EBAG9: variants seen among roughly 807,000 people sequenced by gnomAD.
The protein encoded by EBAG9 is estrogen receptor binding site associated antigen 9.
A neutral mutation model predicts 30.9 loss-of-function variants in EBAG9; 16 were observed. That is an observed-to-expected ratio of 0.52 (90% CI 0.35 to 0.79). The LOEUF is 0.79. Among genes scored for constraint, EBAG9 ranks in the 30% least tolerant of loss-of-function variants. The pLI is 0.01. For missense variants in EBAG9, 197 were observed against 242.1 expected, an observed-to-expected ratio of 0.81 and a Z score of 1.24; for synonymous variants, 93 against 82.8, an observed-to-expected ratio of 1.12 and a Z score of -0.67.
At position 109,553,949 on chromosome 8, in the gene EBAG9, T is replaced by G. The variant is rs1044667077; in HGVS notation, c.162+6T>G. 41 of 1,582,836 alleles carry G rather than the reference T, an allele frequency of 2.6e-5. No homozygotes were observed. Among genetic ancestry groups the G allele is most frequent in the Non-Finnish European group, 3.2e-5 (37 of 1,166,698 alleles). ...ATTCATCAGTTCCTAAGCAGGTAGG[T>G]TTTTTTTGTGTGTTCTTTTGTTTTG... On this transcript the variant is annotated splice_donor_region_variant and intron_variant, in intron 3 of 6. Transcript: ENST00000337573.
intron 1 of EBAG9, among the ~76,000 whole-genome samples, chr8:109,544,243 C>T (rs189478650): frequency 9.9e-5 from 15 of 151,862 alleles, no homozygotes; most frequent in African/African-American, 1.5e-4. Flanking sequence ...AGGTTTTATC[C>T]GCTTTTAAGT....
chr8:109,550,928 A>C (rs772508201), intron 2 of EBAG9, 21 bp downstream of exon 2: 8 of 1,485,210 alleles, frequency 5.4e-6, no homozygotes, highest in Non-Finnish European at 7.4e-6. Context: ...TTTATGTTCA[A>C]ACTAACCTGT....
At chr8:109,542,850 A>T (rs1176646293) in intron 1 of EBAG9, among the ~76,000 whole-genome samples, 1 of 152,196 alleles carries the variant, frequency 6.6e-6, no homozygotes, top group East Asian at 1.9e-4. Context: ...AATACAAAAT[A>T]AAAAATGTTG....
intron 1 of EBAG9, among the ~76,000 whole-genome samples, chr8:109,544,847 T>C (rs1477392519): frequency 6.6e-6 from 1 of 152,214 alleles, no homozygotes; most frequent in Admixed American, 6.5e-5. Flanking sequence ...GACATTGTCA[T>C]AGTTACTTAA....
At chr8:109,556,729 A>G (rs1484154631) in intron 4 of EBAG9, among the ~76,000 whole-genome samples, 1 of 152,146 alleles carries the variant, frequency 6.6e-6, no homozygotes, top group African/African-American at 2.4e-5. Flanking sequence ...ATTAATTTTT[A>G]AAAGTGAAAT....
At chr8:109,551,088 T>G (rs1821485056) in intron 2 of EBAG9, among the ~76,000 whole-genome samples, 181 bp downstream of exon 2, 1 of 152,094 alleles carries the variant, frequency 6.6e-6, no homozygotes, top group South Asian at 2.1e-4. Flanking sequence ...ATCTAGAAAA[T>G]AGAGGTTCAG....
intron 4 of EBAG9, among the ~76,000 whole-genome samples, chr8:109,555,495 A>G (rs1015086695): frequency 4.6e-5 from 7 of 152,158 alleles, no homozygotes; most frequent in African/African-American, 1.7e-4. Flanking sequence ...TTTTAAAATT[A>G]TATTTATATA....
At chr8:109,563,033 C>G (rs1469467535) in intron 6 of EBAG9, among the ~76,000 whole-genome samples, 1 of 151,922 alleles carries the variant, frequency 6.6e-6, no homozygotes, top group African/African-American at 2.4e-5. Flanking sequence ...CTTTTTTCTT[C>G]TGGTTTGACA....
At chr8:109,552,996 C>T (rs1392428430) in intron 2 of EBAG9, among the ~76,000 whole-genome samples, 1 of 151,976 alleles carries the variant, frequency 6.6e-6, no homozygotes, top group Non-Finnish European at 1.5e-5. Context: ...TCTATTCACC[C>T]TTTAAACAAA....
At chr8:109,559,851 A>G (rs186941782) in intron 5 of EBAG9, among the ~76,000 whole-genome samples, 198 of 151,604 alleles carry the variant, frequency 1.3e-3, no homozygotes, top group Non-Finnish European at 2.2e-3. Flanking sequence ...CAGGATTTCT[A>G]CCTACTGCGG....
At chr8:109,564,379 A>T in intron 6 of EBAG9, 60 bp from the exon 7 acceptor site, 1 of 1,581,194 alleles carries the variant, frequency 6.3e-7, no homozygotes, top group Middle Eastern at 1.7e-4. Context: ...TCTTTCTAGA[A>T]TTTATTTGCC....
At chr8:109,547,788 G>T (rs546149679) in intron 1 of EBAG9, among the ~76,000 whole-genome samples, 1 of 152,118 alleles carries the variant, frequency 6.6e-6, no homozygotes, top group African/African-American at 2.4e-5. Flanking sequence ...CCTTGTATAT[G>T]TTTTTTGATG....
At chr8:109,546,781 A>G (rs887209898) in intron 1 of EBAG9, among the ~76,000 whole-genome samples, 5 of 152,192 alleles carry the variant, frequency 3.3e-5, no homozygotes, top group African/African-American at 7.2e-5. Flanking sequence ...GGAATCATAC[A>G]GTGTATATTT....
chr8:109,550,681 TGTTATA>T (rs1821475048), intron 1 of EBAG9, 123 bp from the exon 2 acceptor site: 2 of 624,176 alleles, frequency 3.2e-6, no homozygotes, highest in African/African-American at 3.8e-5. Flanking sequence ...AAATTTACTG[TGTTATA>T]GTTTCTAGAG....
intron 4 of EBAG9, 131 bp downstream of exon 4, chr8:109,555,018 T>C: frequency 1.1e-6 from 1 of 918,614 alleles, no homozygotes; most frequent in South Asian, 1.8e-5. Flanking sequence ...AGTTTTAGGG[T>C]ACATGTGCAC....
rs557388998 is a variant in EBAG9 at position 109,543,135 on chromosome 8, CTTTTTTTTTTTTTT to C, written c.-16+2692_-16+2705del. 3.4e-3 allele frequency among the ~76,000 whole-genome samples: 180 copies of C among 52,884 alleles called. 2 individuals carry two copies. The highest frequency in any genetic ancestry group is 6.4e-3 in the African/African-American group (159 of 24,794). The allele number at this position is 52,884 out of a possible 152,430, so 34.7% of individuals were successfully genotyped here. A position where few individuals can be genotyped will look rare whatever the true frequency, so the allele number is the denominator to read the frequency against. On this transcript the variant is annotated intron_variant, in intron 1 of 6. Coordinates refer to ENST00000337573, the MANE Select transcript of EBAG9 (RefSeq NM_004215.5). ...GAGTACAATTTTTAATATTCTGGTT[CTTTTTTTTTTTTTT>C]TTTTTTTTTTTTTTTTTAACAGTCA...
intron 1 of EBAG9, among the ~76,000 whole-genome samples, chr8:109,544,033 T>TAAAAAA (rs11337681): frequency 7.9e-6 from 1 of 125,886 alleles, no homozygotes; most frequent in East Asian, 2.3e-4. Flanking sequence ...CTATCTCAAT[T>TAAAAAA]AAAAAAAAAA....
At position 109,543,135 on chromosome 8, in the gene EBAG9, C is replaced by CTTTTTTTTTTTT. The variant is rs557388998; in HGVS notation, c.-16+2694_-16+2705dup. Among the ~76,000 whole-genome samples, 26 of 52,866 alleles carry CTTTTTTTTTTTT rather than the reference C, an allele frequency of 4.9e-4. 1 individual carries two copies. The highest frequency in any genetic ancestry group is 9.7e-4 in the African/African-American group (24 of 24,776). 34.7% of individuals were successfully genotyped at this position (52,866 alleles called of 152,430 possible). ...GAGTACAATTTTTAATATTCTGGTT[C>CTTTTTTTTTTTT]TTTTTTTTTTTTTTTTTTTTTTTTT... On this transcript the variant is annotated intron_variant, in intron 1 of 6. Coordinates refer to ENST00000337573, the MANE Select transcript of EBAG9 (RefSeq NM_004215.5).
chr8:109,554,264 G>A lies in EBAG9; in HGVS notation c.162+321G>A, dbSNP rs560217147. On this transcript the variant is annotated intron_variant, in intron 3 of 6. Coordinates refer to ENST00000337573, the MANE Select transcript of EBAG9 (RefSeq NM_004215.5). ...TGGTATCTGTTGATTAACTTGCCTTGCAAATTTAGATGTATTGTTTTTATA... is the reference window on the plus strand; with the variant it reads ...TGGTATCTGTTGATTAACTTGCCTTACAAATTTAGATGTATTGTTTTTATA... Among the ~76,000 whole-genome samples, 3 of 152,266 alleles carry A rather than the reference G, an allele frequency of 2.0e-5. No individual in the cohort carries two copies. The South Asian group carries it at 6.2e-4, about 32-fold the overall frequency.
Sources: gnomAD v4.1 joint callset for allele counts (sites outside exome capture counted in the v4.1 genomes callset) on GRCh38, gnomAD v4.1.1 for gene constraint, MANE v1.5 for transcripts, NCBI Gene and HGNC (gene_info 2026-07-23, HGNC 2026-07-21) for gene names.